AKT1: variants seen among roughly 807,000 people sequenced by gnomAD.
AKT1 encodes the protein AKT serine/threonine kinase 1.
Under a neutral mutation model 63.1 loss-of-function variants are expected in AKT1, and 21 were observed. That is an observed-to-expected ratio of 0.33 (90% CI 0.24 to 0.48). The LOEUF (loss-of-function observed/expected upper bound fraction) is 0.48. Among genes scored for constraint, AKT1 ranks in the 20% least tolerant of loss-of-function variants. The pLI is 0.99. For missense variants in AKT1, 382 were observed against 666.0 expected (o/e 0.57, Z 4.69); for synonymous variants, 257 against 253.1 (o/e 1.02, Z -0.15).
chr14:104,785,905 T>C (rs938263417), intron 3 of AKT1, among the ~76,000 whole-genome samples: 3 of 152,026 alleles, frequency 2.0e-5, no homozygotes, highest in African/African-American at 7.2e-5. Context: ...CAGCTTTCCA[T>C]TCTCCTGGGG....
intron 3 of AKT1, among the ~76,000 whole-genome samples, chr14:104,787,517 G>A (rs541072852): frequency 2.0e-5 from 3 of 152,238 alleles, no homozygotes; most frequent in Middle Eastern, 3.2e-3. Flanking sequence ...GCCCCAAGCC[G>A]GGCCGGGTGT....
At chr14:104,773,830 A>G in intron 9 of AKT1, 82 bp downstream of exon 9, 3 of 1,411,074 alleles carry the variant, frequency 2.1e-6, no homozygotes, top group Non-Finnish European at 2.9e-6. Flanking sequence ...CATGGAGAGT[A>G]GCCGAGGCTC....
intron 3 of AKT1, among the ~76,000 whole-genome samples, chr14:104,789,429 G>A (rs1288428757): frequency 6.6e-6 from 1 of 152,234 alleles, no homozygotes; most frequent in Non-Finnish European, 1.5e-5. Flanking sequence ...GGGGCAAGCG[G>A]GCAAGGTGAG....
At chr14:104,792,355 G>C (rs1893670184) in intron 3 of AKT1, among the ~76,000 whole-genome samples, 1 of 151,822 alleles carries the variant, frequency 6.6e-6, no homozygotes, top group Non-Finnish European at 1.5e-5. Context: ...GCCTGCCAGG[G>C]CCCACACCAG....
chr14:104,781,270 G>A (rs2140958497), intron 3 of AKT1, among the ~76,000 whole-genome samples: 1 of 152,260 alleles, frequency 6.6e-6, no homozygotes, highest in East Asian at 1.9e-4. Flanking sequence ...TAAGGGGTTG[G>A]GGTCCCTGAG....
In AKT1 at chr14:104,775,688, C is replaced by T. The variant is rs1892659025; in HGVS notation, c.399G>A (p.Glu133=). 3 of 1,614,100 alleles carry T rather than the reference C, an allele frequency of 1.9e-6. No homozygotes were observed. The highest frequency in any genetic ancestry group is 1.7e-6 in the Non-Finnish European group (2 of 1,179,988). The change falls in exon 6 of 15, where the codon GAG becomes GAA. Residue 133 remains glutamate, a synonymous_variant. Transcript: ENST00000649815. ...GSPSDNSGAE[E]MEVSLAKPKH... is the part of the protein sequence containing the mutation. Reference sequence around the variant, plus strand: ...TGGGCTTGGCCAGGGACACCTCCATCTCTTCAGCCCCTGAGTTGTCACTGG... The same window carrying T: ...TGGGCTTGGCCAGGGACACCTCCATTTCTTCAGCCCCTGAGTTGTCACTGG...
At chr14:104,780,485 G>A (rs1222686796) in intron 3 of AKT1, among the ~76,000 whole-genome samples, 3 of 152,212 alleles carry the variant, frequency 2.0e-5, no homozygotes, top group Non-Finnish European at 4.4e-5. Context: ...TGGACGCAGG[G>A]GATGGAGTAC....
chr14:104,794,633 G>C (rs1270663320), intron 1 of AKT1: 2 of 152,230 alleles, frequency 1.3e-5, no homozygotes, highest in Non-Finnish European at 2.9e-5. Flanking sequence ...CACAGCTCCC[G>C]GGAGAGGCAA....
intron 3 of AKT1, among the ~76,000 whole-genome samples, chr14:104,780,911 TGGGCAGGGGCCCCA>T (rs1322394985): frequency 6.6e-6 from 1 of 152,172 alleles, no homozygotes; most frequent in East Asian, 1.9e-4. Context: ...CCCAGCCAGC[TGGGCAGGGGCCCCA>T]GGGCACAGAG....
In AKT1 at chr14:104,775,039, C is replaced by T. The variant is rs759528360; in HGVS notation, c.568-36G>A. The T allele has an allele frequency of 5.0e-5, 80 of 1,613,140 alleles. 1 individual carries two copies. Among genetic ancestry groups the T allele is most frequent in the Admixed American group, 1.8e-4 (11 of 59,968 alleles). On this transcript the variant is annotated intron_variant, in intron 7 of 14. Transcript: ENST00000649815. ...GGGCTGGGTGAGCTGCCACCCCGCA[C>T]CCTCATCTCCACCCTGCCCCACCGC...
chr14:104,769,945 G>A lies in AKT1; in HGVS notation c.*396C>T. The A allele has an allele frequency of 2.4e-6, 1 of 414,142 alleles. No homozygotes were observed. Among genetic ancestry groups the A allele is most frequent in the Non-Finnish European group, 4.5e-6 (1 of 223,298 alleles). 25.7% of individuals were successfully genotyped at this position (414,142 alleles called of 1,614,324 possible). A position where few individuals can be genotyped will look rare whatever the true frequency, so the allele number is the denominator to read the frequency against. ...CTGAGGCCCAGGGCCCCAGAGAGAT[G>A]ACAGATAGCTGGTGACAGACAGCCC... On this transcript the variant is annotated 3_prime_UTR_variant, in exon 15 of 15. Transcript: ENST00000649815.
chr14:104,784,799 G>A (rs1046354655), intron 3 of AKT1, among the ~76,000 whole-genome samples: 6 of 152,136 alleles, frequency 3.9e-5, no homozygotes, highest in South Asian at 2.1e-4. Flanking sequence ...CAGGACCCAC[G>A]CGCCATGGGC....
intron 3 of AKT1, among the ~76,000 whole-genome samples, chr14:104,790,708 G>A (rs1418156760): frequency 6.6e-6 from 1 of 152,190 alleles, no homozygotes; most frequent in African/African-American, 2.4e-5. Flanking sequence ...AGGAGGAAGA[G>A]CCGGGGGTAG....
intron 3 of AKT1, among the ~76,000 whole-genome samples, chr14:104,784,304 T>G (rs1176373499): frequency 2.0e-5 from 3 of 151,882 alleles, no homozygotes; most frequent in South Asian, 4.2e-4. Flanking sequence ...CCCGTAACCC[T>G]CCCCACCAGC....
chr14:104,790,592 G>A (rs1361240650), intron 3 of AKT1, among the ~76,000 whole-genome samples: 3 of 152,198 alleles, frequency 2.0e-5, no homozygotes, highest in Admixed American at 2.0e-4. Context: ...CCGGCCATGC[G>A]GGTGGACGCC....
At chr14:104,788,256 C>T (rs1239227084) in intron 3 of AKT1, among the ~76,000 whole-genome samples, 1 of 152,152 alleles carries the variant, frequency 6.6e-6, no homozygotes, top group East Asian at 1.9e-4. Flanking sequence ...AAACTGAGGC[C>T]CAGGAGGCAC....
At position 104,773,278 on chromosome 14, in the gene AKT1, G is replaced by A. The variant is rs146847196; in HGVS notation, c.930C>T (p.Cys310=). ...IKDGATMKTF[C]GTPEYLAPEV... is the part of the protein sequence containing the mutation. ...CGGGGGCCAGGTACTCAGGTGTGCC[G>A]CAAAAGGTCTTCATGGTGGCACCGT... The change falls in exon 11 of 15, where the codon TGC becomes TGT. Residue 310 remains cysteine (C), a synonymous_variant. Transcript: ENST00000649815. The A allele has an allele frequency of 1.3e-5, 21 of 1,614,080 alleles. No homozygotes were observed. In the African/African-American group the frequency reaches 1.7e-4, roughly 13 times the overall value.
At chr14:104,776,994 G>C (rs1284588891) in intron 4 of AKT1, 2 of 516,328 alleles carry the variant, frequency 3.9e-6, no homozygotes, top group South Asian at 4.5e-5. Context: ...CAGCCACACA[G>C]GGCATCTGGC....
chr14:104,780,352 A>C (rs1024467249), intron 3 of AKT1, 136 bp from the exon 4 acceptor site: 1 of 1,255,442 alleles, frequency 8.0e-7, no homozygotes, highest in East Asian at 2.7e-5. Flanking sequence ...GCGGTACGGG[A>C]GCTGTTTCTT....
Sources: gnomAD v4.1 joint callset for allele counts (sites outside exome capture counted in the v4.1 genomes callset) on GRCh38, gnomAD v4.1.1 for gene constraint, MANE v1.5 for transcripts, NCBI Gene and HGNC (gene_info 2026-07-23, HGNC 2026-07-21) for gene names.